Variants in SHANK2 observed in about 807,000 individuals in gnomAD.
SHANK2 encodes SH3 and multiple ankyrin repeat domains protein 2.
SHANK2 carries 43 observed loss-of-function variants against 133.7 expected under a neutral mutation model. That is an observed-to-expected ratio of 0.32 (90% CI 0.25 to 0.41). The LOEUF (loss-of-function observed/expected upper bound fraction) is 0.41, where lower values mean the gene tolerates loss of function less well. Among genes scored for constraint, SHANK2 ranks in the 10% least tolerant of loss-of-function variants. SHANK2 has a pLI of 1.00. For synonymous variants in SHANK2, 1,017 were observed against 952.8 expected (o/e 1.07, Z -1.24); for missense variants, 1,994 against 2,235.8 (o/e 0.89, Z 2.18).
chr11:70,672,157 G>A (rs1476069709), intron 15 of SHANK2, among the ~76,000 whole-genome samples: 2 of 150,742 alleles, frequency 1.3e-5, no homozygotes, highest in Non-Finnish European at 2.9e-5. Context: ...TCCATCTCCC[G>A]GGTTCAAGCG....
rs560296515 is a variant in SHANK2 at position 70,567,214 on chromosome 11, C to T, written c.2062-64283G>A. On this transcript the variant is annotated intron_variant, in intron 17 of 25. Transcript: ENST00000601538. The stretch of plus-strand genomic sequence containing the variant: ...TCCCTCTTAACTCCTATGCTGAAGA[C>T]CTAACCTCCGGTACTCAAGGGTGTG... 1.2e-3 allele frequency among the ~76,000 whole-genome samples: 177 copies of T among 152,288 alleles called. 3 individuals are homozygous for T. In the South Asian group the frequency reaches 0.035, roughly 30 times the overall value.
intron 1 of SHANK2, among the ~76,000 whole-genome samples, chr11:71,232,419 A>G (rs1335097775): frequency 1.3e-5 from 2 of 152,186 alleles, no homozygotes; most frequent in Non-Finnish European, 2.9e-5. Flanking sequence ...CATCTTAAAA[A>G]TATAGTTGGC....
intron 11 of SHANK2, chr11:70,873,068 G>A (rs782760860): frequency 6.4e-6 from 3 of 471,344 alleles, no homozygotes; most frequent in South Asian, 4.6e-5. Flanking sequence ...TGCCTCCCGG[G>A]TGGCGACCCT....
intron 10 of SHANK2, among the ~76,000 whole-genome samples, chr11:70,915,181 A>G (rs1555079680): frequency 1.3e-5 from 2 of 152,104 alleles, no homozygotes; most frequent in African/African-American, 4.8e-5. Context: ...TCCCTCAAAA[A>G]TACGGATGCC....
chr11:70,554,072 C>T (rs933562948), intron 17 of SHANK2, among the ~76,000 whole-genome samples: 1 of 152,236 alleles, frequency 6.6e-6, no homozygotes, highest in Non-Finnish European at 1.5e-5. Context: ...CCTTGCTTTG[C>T]CTTCTCCTTT....
intron 8 of SHANK2, among the ~76,000 whole-genome samples, chr11:71,086,137 A>T (rs1458536166): frequency 3.6e-4 from 3 of 8,326 alleles, no homozygotes; most frequent in Admixed American, 3.6e-3. Context: ...AAATTATATA[A>T]TATATTATGT....
At chr11:70,888,410 T>C (rs782670232) in intron 11 of SHANK2, among the ~76,000 whole-genome samples, 4 of 152,172 alleles carry the variant, frequency 2.6e-5, no homozygotes, top group Admixed American at 1.3e-4. Flanking sequence ...TCGAGTCAGA[T>C]AAAACATTGC....
In SHANK2 at chr11:70,759,315, T is replaced by G. The variant is rs138809248; in HGVS notation, c.1777+39128A>C. ...TGAAGAGCAGCCTGGCCAAACCCCG[T>G]CACTAGTAAAAATACAAAAATTAGC... On this transcript the variant is annotated intron_variant, in intron 14 of 25. Coordinates refer to ENST00000601538, the MANE Select transcript of SHANK2 (RefSeq NM_012309.5). Among the ~76,000 whole-genome samples the G allele has an allele frequency of 3.0e-4, 45 of 151,668 alleles. 1 individual carries two copies. Among genetic ancestry groups the G allele is most frequent in the South Asian group, 1.0e-3 (5 of 4,778 alleles).
At chr11:70,829,507 C>T (rs530692696) in intron 11 of SHANK2, among the ~76,000 whole-genome samples, 1 of 152,152 alleles carries the variant, frequency 6.6e-6, no homozygotes, top group South Asian at 2.1e-4. Flanking sequence ...TCTGCCCCGC[C>T]CACCCCCACC....
At chr11:70,656,155 G>A (rs2061403055) in intron 17 of SHANK2, among the ~76,000 whole-genome samples, 1 of 152,214 alleles carries the variant, frequency 6.6e-6, no homozygotes, top group South Asian at 2.1e-4. Context: ...TGTTGTGGGA[G>A]TGAAGGGGCC....
chr11:71,196,453 T>C (rs1474069938), intron 2 of SHANK2, among the ~76,000 whole-genome samples: 1 of 151,838 alleles, frequency 6.6e-6, no homozygotes, highest in East Asian at 2.0e-4. Flanking sequence ...GTCCAGCTAA[T>C]TTCTGTATTT....
chr11:71,205,733 A>G (rs1405887478), intron 2 of SHANK2, among the ~76,000 whole-genome samples: 8 of 152,220 alleles, frequency 5.3e-5, no homozygotes, highest in African/African-American at 1.9e-4. Context: ...CCTAATGTGC[A>G]TCTGGGCATG....
intron 11 of SHANK2, among the ~76,000 whole-genome samples, chr11:70,881,226 T>C (rs1328554188): frequency 6.6e-6 from 1 of 152,102 alleles, no homozygotes; most frequent in African/African-American, 2.4e-5. Flanking sequence ...TCTAAAATTT[T>C]TGTAGAGATG....
chr11:70,839,093 T>G (rs782257697), intron 11 of SHANK2, among the ~76,000 whole-genome samples: 1 of 152,228 alleles, frequency 6.6e-6, no homozygotes, highest in African/African-American at 2.4e-5. Flanking sequence ...TCCATCACTA[T>G]GGGAAAGCAG....
At chr11:70,637,368 C>T (rs1377019739) in intron 17 of SHANK2, among the ~76,000 whole-genome samples, 1 of 152,126 alleles carries the variant, frequency 6.6e-6, no homozygotes, top group African/African-American at 2.4e-5. Context: ...ACTGATTAGA[C>T]CCAGGGTGCC....
intron 10 of SHANK2, among the ~76,000 whole-genome samples, chr11:70,953,838 T>C (rs1332596725): frequency 1.3e-5 from 2 of 151,906 alleles, no homozygotes; most frequent in African/African-American, 4.8e-5. Flanking sequence ...TCACAGTGAG[T>C]GGGTTCTTGC....
chr11:70,560,782 C>T (rs1175086877), intron 17 of SHANK2, among the ~76,000 whole-genome samples: 1 of 152,064 alleles, frequency 6.6e-6, no homozygotes, highest in Non-Finnish European at 1.5e-5. Context: ...CAGGCACCCA[C>T]CACCACACCC....
intron 2 of SHANK2, among the ~76,000 whole-genome samples, chr11:71,189,308 G>C (rs1360535377): frequency 5.9e-5 from 9 of 152,212 alleles, no homozygotes; most frequent in Non-Finnish European, 1.0e-4. Context: ...GTGCCTCGCT[G>C]GTGACCAATC....
At chr11:71,241,227 C>T (rs1555124366) in intron 1 of SHANK2, among the ~76,000 whole-genome samples, 2 of 152,160 alleles carry the variant, frequency 1.3e-5, no homozygotes, top group African/African-American at 4.8e-5. Flanking sequence ...AGAACAAGAT[C>T]CTGAAAACAA....
Sources: gnomAD v4.1 joint callset for allele counts (sites outside exome capture counted in the v4.1 genomes callset) on GRCh38, gnomAD v4.1.1 for gene constraint, MANE v1.5 for transcripts, NCBI Gene and HGNC (gene_info 2026-07-23, HGNC 2026-07-21) for gene names.